Variants in PTPRN2 observed in about 807,000 individuals in gnomAD.
PTPRN2 encodes receptor-type tyrosine-protein phosphatase N2.
In PTPRN2, 74 loss-of-function variants were observed where a neutral mutation model predicts 118.8. That is an observed-to-expected ratio of 0.62 (90% CI 0.52 to 0.76). The LOEUF (loss-of-function observed/expected upper bound fraction) is 0.76. Ranked by LOEUF, PTPRN2 falls within the 30% of genes least tolerant of loss-of-function variation. The pLI is 0.00. For synonymous variants in PTPRN2, 641 were observed against 608.0 expected, an observed-to-expected ratio of 1.05 and a Z score of -0.80; for missense variants, 1,481 against 1,394.4, an observed-to-expected ratio of 1.06 and a Z score of -0.99.
At chr7:158,379,860 G>A (rs1586519909) in intron 2 of PTPRN2, among the ~76,000 whole-genome samples, 1 of 152,116 alleles carries the variant, frequency 6.6e-6, no homozygotes, top group Admixed American at 6.6e-5. Flanking sequence ...CACATGGCTG[G>A]GGGGGCCTCA....
chr7:157,667,835 T>G (rs191090207), intron 13 of PTPRN2, among the ~76,000 whole-genome samples: 1 of 152,306 alleles, frequency 6.6e-6, no homozygotes, highest in Admixed American at 6.5e-5. Context: ...TGTGAAAAAT[T>G]GATCTTTTTG....
chr7:158,334,955 C>T lies in PTPRN2; in HGVS notation c.164-18023G>A, dbSNP rs1289858628. 1.4e-4 allele frequency among the ~76,000 whole-genome samples: 2 copies of T among 14,028 alleles called. 1 individual carries two copies. Among genetic ancestry groups the T allele is most frequent in the Admixed American group, 1.2e-3 (2 of 1,732 alleles). 9.2% of individuals were successfully genotyped at this position (14,028 alleles called of 152,430 possible). On this transcript the variant is annotated intron_variant, in intron 2 of 22. Coordinates refer to ENST00000389418, the MANE Select transcript of PTPRN2 (RefSeq NM_002847.5). The stretch of plus-strand genomic sequence containing the variant: ...GTCGTCCGGAGGCGTCACTCACACC[C>T]ACACTCTCACCATAAGCGCTGACAC...
rs11972444 is a variant in PTPRN2 at position 157,671,278 on chromosome 7, G to A, written c.2001+11447C>T. On this transcript the variant is annotated intron_variant, in intron 13 of 22. Transcript: ENST00000389418. This position sits in a 1 kb window ranked among gnomAD's most constrained non-coding sequence, Gnocchi z 4.1. ...CCCCACACGGGCTGGTCTGGTGTGG[G>A]CAACAAGGCCCGCTCTGCACCCAGG... Among the ~76,000 whole-genome samples, 393 of 152,336 alleles carry A rather than the reference G, an allele frequency of 2.6e-3. 1 individual carries two copies. Among genetic ancestry groups the A allele is most frequent in the African/African-American group, 7.9e-3 (328 of 41,578 alleles).
intron 2 of PTPRN2, among the ~76,000 whole-genome samples, chr7:158,384,034 T>A (rs934426724): frequency 3.9e-5 from 6 of 152,200 alleles, no homozygotes; most frequent in African/African-American, 1.4e-4. Context: ...GGGACAGAAC[T>A]TTAAACTCTG....
chr7:158,155,715 C>A (rs1330806114), intron 6 of PTPRN2, among the ~76,000 whole-genome samples: 1 of 115,224 alleles, frequency 8.7e-6, no homozygotes, highest in Non-Finnish European at 1.7e-5. Context: ...ACCGTCAACA[C>A]CATCATCACC....
At chr7:158,153,991 A>G (rs1258188279) in intron 6 of PTPRN2, among the ~76,000 whole-genome samples, 1 of 152,276 alleles carries the variant, frequency 6.6e-6, no homozygotes, top group Admixed American at 6.5e-5. Flanking sequence ...CCCCACAGCC[A>G]TGCTGTAGGA....
chr7:158,220,254 C>T (rs987031367), intron 3 of PTPRN2, among the ~76,000 whole-genome samples: 8 of 152,030 alleles, frequency 5.3e-5, no homozygotes, highest in African/African-American at 1.7e-4. Context: ...CCTGTGAGAA[C>T]TGGAATGAAA....
At chr7:158,151,083 G>C (rs1342971903) in intron 6 of PTPRN2, among the ~76,000 whole-genome samples, 704 of 22,094 alleles carry the variant, frequency 0.032, 155 homozygotes, top group Admixed American at 0.054. Context: ...TCTTGCCCCT[G>C]CCTGCCCAAA....
chr7:158,522,096 G>C (rs1376407584), intron 1 of PTPRN2, among the ~76,000 whole-genome samples: 1 of 81,930 alleles, frequency 1.2e-5, no homozygotes, highest in African/African-American at 5.8e-5. Context: ...GGCTCAGGAG[G>C]GAGGTCCACG....
intron 21 of PTPRN2, among the ~76,000 whole-genome samples, chr7:157,553,989 C>T (rs1302637702): frequency 1.0e-4 from 13 of 130,612 alleles, no homozygotes; most frequent in African/African-American, 2.6e-4. Flanking sequence ...GGATCCTGCC[C>T]GCTCTCGTGC....
chr7:158,109,668 C>T (rs12698149), intron 10 of PTPRN2, among the ~76,000 whole-genome samples: 45,108 of 148,036 alleles, frequency 0.3, 7,642 homozygotes, highest in Middle Eastern at 0.49. Flanking sequence ...GTGTGAAAGG[C>T]TCAGTGAGTG....
intron 10 of PTPRN2, among the ~76,000 whole-genome samples, chr7:158,094,391 CCT>C (rs1425581956): frequency 6.6e-6 from 1 of 152,170 alleles, no homozygotes; most frequent in Admixed American, 6.5e-5. Context: ...CTCACTGCAA[CCT>C]CTGACTCCCG....
At chr7:158,084,247 T>A (rs1386809993) in intron 10 of PTPRN2, among the ~76,000 whole-genome samples, 1 of 152,140 alleles carries the variant, frequency 6.6e-6, no homozygotes, top group African/African-American at 2.4e-5. Context: ...AAGAAGAACT[T>A]GCCCTGGCAT....
At chr7:158,285,494 G>C (rs951947860) in intron 3 of PTPRN2, among the ~76,000 whole-genome samples, 3 of 152,190 alleles carry the variant, frequency 2.0e-5, no homozygotes, top group African/African-American at 7.2e-5. Context: ...CTCCATCCAT[G>C]CTGCTCCTGC....
intron 12 of PTPRN2, among the ~76,000 whole-genome samples, chr7:157,892,874 G>A (rs1022862607): frequency 6.6e-6 from 1 of 152,196 alleles, no homozygotes; most frequent in Non-Finnish European, 1.5e-5. Flanking sequence ...AGCTGGAGAT[G>A]CATCCAGGAA....
chr7:158,030,808 T>C (rs961425779), intron 11 of PTPRN2: 1 of 152,366 alleles, frequency 6.6e-6, no homozygotes, highest in Non-Finnish European at 1.5e-5. Context: ...AGCTTTGCAC[T>C]GTTCTAAGCC....
chr7:157,884,608 C>T (rs183495172), intron 12 of PTPRN2, among the ~76,000 whole-genome samples: 59 of 152,332 alleles, frequency 3.9e-4, no homozygotes, highest in East Asian at 3.7e-3. Context: ...CACAGTTCCA[C>T]GTGGTTTTGG....
chr7:158,569,979 G>A lies in PTPRN2; in HGVS notation c.112+17579C>T, dbSNP rs112536370. Among the ~76,000 whole-genome samples the A allele has an allele frequency of 8.2e-3, 1,241 of 152,216 alleles. 20 individuals carry two copies. The highest frequency in any genetic ancestry group is 0.028 in the African/African-American group (1,148 of 41,532). On this transcript the variant is annotated intron_variant, in intron 1 of 22. Coordinates refer to ENST00000389418, the MANE Select transcript of PTPRN2 (RefSeq NM_002847.5). ...CCCCGCGCCCTGGCCAGCGGGTGCCGCTCGCAGACGGGGGAGCCCAGAGCC... is the reference window on the plus strand; with the variant it reads ...CCCCGCGCCCTGGCCAGCGGGTGCCACTCGCAGACGGGGGAGCCCAGAGCC...
intron 1 of PTPRN2, among the ~76,000 whole-genome samples, chr7:158,549,669 G>C (rs1490504319): frequency 6.6e-6 from 1 of 152,232 alleles, no homozygotes; most frequent in Non-Finnish European, 1.5e-5. Context: ...GCCTCCCAGA[G>C]GAGATCAGCC....
Sources: gnomAD v4.1 joint callset for allele counts (sites outside exome capture counted in the v4.1 genomes callset) on GRCh38, gnomAD v4.1.1 for gene constraint, Gnocchi (gnomAD v3.1) non-coding constraint, MANE v1.5 for transcripts, NCBI Gene and HGNC (gene_info 2026-07-23, HGNC 2026-07-21) for gene names.